RAB11A: variants seen among roughly 807,000 people sequenced by gnomAD.
The protein encoded by RAB11A is ras-related protein Rab-11A.
A neutral mutation model predicts 28.0 loss-of-function variants in RAB11A; 9 were observed. The ratio of observed to expected loss-of-function variants is 0.32; its 90% CI spans 0.19 to 0.56. The LOEUF is 0.56. Among genes scored for constraint, RAB11A ranks in the 20% least tolerant of loss-of-function variants. The pLI is 0.91. For synonymous variants in RAB11A, 85 were observed against 88.2 expected, an observed-to-expected ratio of 0.96 and a Z score of 0.20; for missense variants, 108 against 269.6, an observed-to-expected ratio of 0.40 and a Z score of 4.20.
intron 1 of RAB11A, among the ~76,000 whole-genome samples, chr15:65,873,749 C>G (rs769768988): frequency 6.6e-6 from 1 of 151,616 alleles, no homozygotes; most frequent in South Asian, 2.1e-4. Flanking sequence ...ATCCCACTTA[C>G]AGAAATAAAA....
chr15:65,871,919 G>GTTT lies in RAB11A; in HGVS notation c.40+2321_40+2323dup, dbSNP rs960414631. 4.3e-3 allele frequency among the ~76,000 whole-genome samples: 310 copies of GTTT among 72,060 alleles called. 44 individuals carry two copies. The highest frequency in any genetic ancestry group is 5.9e-3 in the Non-Finnish European group (228 of 38,504). 47.3% of individuals were successfully genotyped at this position (72,060 alleles called of 152,430 possible). On this transcript the variant is annotated intron_variant, in intron 1 of 4. Transcript: ENST00000261890. Reference sequence around the variant, plus strand: ...GAAAGAAGTTACTGTGGTTTTGTCAGTTTTTTTTTTTTTTTTTTTTTTTTT... The same window carrying GTTT: ...GAAAGAAGTTACTGTGGTTTTGTCAGTTTTTTTTTTTTTTTTTTTTTTTTTTTT...
At chr15:65,879,427 C>T (rs974705310) in intron 3 of RAB11A, among the ~76,000 whole-genome samples, 1 of 151,718 alleles carries the variant, frequency 6.6e-6, no homozygotes, top group Non-Finnish European at 1.5e-5. Context: ...AGGAGAAACT[C>T]TTGAGGCCAG....
intron 3 of RAB11A, 57 bp downstream of exon 3, chr15:65,878,012 C>A: frequency 6.9e-7 from 1 of 1,446,004 alleles, no homozygotes; most frequent in Non-Finnish European, 9.7e-7. Flanking sequence ...GTTTTGATAC[C>A]TTCCAATGAG....
At chr15:65,883,964 A>G (rs1316215608) in intron 4 of RAB11A, among the ~76,000 whole-genome samples, 1 of 152,230 alleles carries the variant, frequency 6.6e-6, no homozygotes, top group Non-Finnish European at 1.5e-5. Flanking sequence ...AAAAACAGTA[A>G]GCTGTAGTCA....
At chr15:65,875,787 C>G (rs2078188289) in intron 1 of RAB11A, among the ~76,000 whole-genome samples, 1 of 152,232 alleles carries the variant, frequency 6.6e-6, no homozygotes, top group African/African-American at 2.4e-5. Flanking sequence ...GCCCTCTGAC[C>G]AGAATGCAGT....
chr15:65,878,899 A>G (rs560964853), intron 3 of RAB11A, among the ~76,000 whole-genome samples: 20 of 152,122 alleles, frequency 1.3e-4, no homozygotes, highest in Non-Finnish European at 2.6e-4. Context: ...CATTTTTACC[A>G]CATTTTAAGT....
Position 65,887,808 on chromosome 15 carries a change from A to G in RAB11A, c.619A>G (p.Lys207Glu). The change falls in exon 5 of 5, where the codon AAG becomes GAG. Residue 207 changes from lysine (K) to glutamate (E), a missense_variant. Coordinates refer to ENST00000261890, the MANE Select transcript of RAB11A (RefSeq NM_004663.5). Reference protein sequence around the residue: ...PIHVPPTTENKPKVQCCQNI With the variant: ...PIHVPPTTENEPKVQCCQNI ...TCATGTTCCACCAACCACTGAAAAC[A>G]AGCCAAAGGTGCAGTGCTGTCAGAA... is the stretch of plus-strand genomic sequence containing the variant. The G allele has an allele frequency of 6.2e-7, 1 of 1,613,520 alleles. No homozygotes were observed.
intron 4 of RAB11A, among the ~76,000 whole-genome samples, chr15:65,880,635 T>G (rs1029082268): frequency 1.3e-5 from 2 of 152,194 alleles, no homozygotes; most frequent in African/African-American, 4.8e-5. Context: ...TTAACAGATT[T>G]TAACTTTAAC....
intron 4 of RAB11A, among the ~76,000 whole-genome samples, chr15:65,880,663 T>C (rs2078216463): frequency 6.6e-6 from 1 of 152,314 alleles, no homozygotes; most frequent in South Asian, 2.1e-4. Flanking sequence ...CTTCTTTTAC[T>C]GTAAAAATGT....
intron 4 of RAB11A, among the ~76,000 whole-genome samples, chr15:65,886,430 C>G (rs2078256276): frequency 6.6e-6 from 1 of 152,138 alleles, no homozygotes; most frequent in Non-Finnish European, 1.5e-5. Context: ...ATATTTTTGT[C>G]AGGAATACAT....
chr15:65,875,430 T>C (rs972171397), intron 1 of RAB11A, among the ~76,000 whole-genome samples: 4 of 152,200 alleles, frequency 2.6e-5, no homozygotes, highest in African/African-American at 9.6e-5. Flanking sequence ...ATATCCAGAA[T>C]GGTGGACCTT....
Position 65,887,774 on chromosome 15 carries a change from G to C in RAB11A, c.585G>C (p.Val195=). 1 of 1,613,700 alleles carries C rather than the reference G, an allele frequency of 6.2e-7. No homozygotes were observed. Residue 195 remains valine (V), a synonymous_variant, in exon 5 of 5, where the codon GTG becomes GTC. Transcript: ENST00000261890. Reference sequence around the variant, plus strand: ...ATGACATGTCTCCAAGCAACAATGTGGTTCCTATTCATGTTCCACCAACCA... The same window carrying C: ...ATGACATGTCTCCAAGCAACAATGTCGTTCCTATTCATGTTCCACCAACCA... ...RENDMSPSNN[V]VPIHVPPTTE...
chr15:65,881,877 T>TAAAAAAAAAAAAA (rs57352123), intron 4 of RAB11A, among the ~76,000 whole-genome samples: 1 of 86,380 alleles, frequency 1.2e-5, no homozygotes, highest in Non-Finnish European at 2.3e-5. Context: ...ACCCTGTCTC[T>TAAAAAAAAAAAAA]AAAAAAAAAA....
rs144399015 is a variant in RAB11A, at chr15:65,877,909, A to G, written c.384A>G (p.Leu128=). ...VIMLVGNKSD[L]RHLRAVPTDE... is the part of the protein sequence containing the mutation. ...TGCTTGTGGGCAATAAGAGTGATCT[A>G]CGTCATCTCAGGGCAGTTCCTACAG... Residue 128 remains leucine (L), a synonymous_variant, in exon 3 of 5, where the codon CTA becomes CTG. Coordinates refer to ENST00000261890, the MANE Select transcript of RAB11A (RefSeq NM_004663.5). The surrounding 1 kb of genome is among the most constrained non-coding windows in gnomAD (Gnocchi z 4.1). 3.5e-5 allele frequency: 56 copies of G among 1,614,066 alleles called. No homozygotes were observed. The highest frequency in any genetic ancestry group is 8.9e-5 in the East Asian group (4 of 44,872).
intron 1 of RAB11A, among the ~76,000 whole-genome samples, chr15:65,871,423 G>T (rs1275657955): frequency 6.6e-6 from 1 of 152,158 alleles, no homozygotes; most frequent in African/African-American, 2.4e-5. Context: ...GAAACTATTT[G>T]AATCTCTTGA....
chr15:65,878,699 CAAAA>C (rs796616085), intron 3 of RAB11A, among the ~76,000 whole-genome samples: 35 of 152,128 alleles, frequency 2.3e-4, no homozygotes, highest in East Asian at 9.7e-4. Context: ...ACAAAACAAA[CAAAA>C]AAAGAGAGAA....
chr15:65,870,695 C>T (rs2078154995), intron 1 of RAB11A, among the ~76,000 whole-genome samples: 1 of 152,190 alleles, frequency 6.6e-6, no homozygotes, highest in African/African-American at 2.4e-5. Flanking sequence ...CCCTAGTTAG[C>T]CACATACCTT....
intron 4 of RAB11A, among the ~76,000 whole-genome samples, chr15:65,885,934 G>GT: frequency 6.6e-6 from 1 of 152,236 alleles, no homozygotes; most frequent in Non-Finnish European, 1.5e-5. Flanking sequence ...GATTACTGGG[G>GT]AGGATGAACG....
intron 1 of RAB11A, among the ~76,000 whole-genome samples, chr15:65,869,862 T>A (rs2078147626): frequency 6.6e-6 from 1 of 152,090 alleles, no homozygotes; most frequent in African/African-American, 2.4e-5. Flanking sequence ...TCAGAGCCCC[T>A]CCCTGCGTGT....
Sources: gnomAD v4.1 joint callset for allele counts (sites outside exome capture counted in the v4.1 genomes callset) on GRCh38, gnomAD v4.1.1 for gene constraint, Gnocchi (gnomAD v3.1) non-coding constraint, MANE v1.5 for transcripts, NCBI Gene and HGNC (gene_info 2026-07-23, HGNC 2026-07-21) for gene names.